GRM3: variants seen among roughly 807,000 people sequenced by gnomAD.
GRM3 encodes metabotropic glutamate receptor 3.
GRM3 carries 26 observed loss-of-function variants against 70.5 expected under a neutral mutation model. That is an observed-to-expected ratio of 0.37 (90% CI 0.27 to 0.51). The LOEUF is 0.51. Among genes scored for constraint, GRM3 ranks in the 20% least tolerant of loss-of-function variants. The probability of loss-of-function intolerance (pLI) is 0.93; values close to 1 mark genes in which losing one functional copy is unlikely to be tolerated. For missense variants in GRM3, 859 were observed against 1,123.8 expected (o/e 0.76, Z 3.37); for synonymous variants, 443 against 434.9 (o/e 1.02, Z -0.23).
At chr7:86,852,336 C>T (rs1399723116) in intron 5 of GRM3, among the ~76,000 whole-genome samples, 10 of 152,160 alleles carry the variant, frequency 6.6e-5, no homozygotes, top group Admixed American at 6.6e-4. Flanking sequence ...TATATCCAGA[C>T]CTCAGTAATT....
At chr7:86,649,246 G>T (rs926784977) in intron 1 of GRM3, among the ~76,000 whole-genome samples, 2 of 151,994 alleles carry the variant, frequency 1.3e-5, no homozygotes, top group African/African-American at 4.8e-5. Flanking sequence ...AGAAACAAAA[G>T]GAAAATCAAT....
intron 3 of GRM3, among the ~76,000 whole-genome samples, chr7:86,818,926 C>G (rs1012010482): frequency 6.6e-6 from 1 of 152,084 alleles, no homozygotes; most frequent in African/African-American, 2.4e-5. Context: ...TTTCTGGGTT[C>G]CAAATTTCAA....
chr7:86,796,019 T>C (rs2116599439), intron 3 of GRM3, among the ~76,000 whole-genome samples: 1 of 152,364 alleles, frequency 6.6e-6, no homozygotes, highest in African/African-American at 2.4e-5. Flanking sequence ...GTAGGTTGGT[T>C]GTTCAGTTGA....
At chr7:86,798,893 G>A (rs1356511856) in intron 3 of GRM3, among the ~76,000 whole-genome samples, 1 of 152,080 alleles carries the variant, frequency 6.6e-6, no homozygotes, top group Non-Finnish European at 1.5e-5. Flanking sequence ...CTGACACCAC[G>A]TTTATGTGAC....
At chr7:86,704,625 G>T (rs1402807120) in intron 1 of GRM3, among the ~76,000 whole-genome samples, 1 of 151,872 alleles carries the variant, frequency 6.6e-6, no homozygotes, top group African/African-American at 2.4e-5. Context: ...TTAATTTCAT[G>T]AATTTTACAC....
At chr7:86,703,544 C>T (rs1345181372) in intron 1 of GRM3, among the ~76,000 whole-genome samples, 1 of 151,904 alleles carries the variant, frequency 6.6e-6, no homozygotes, top group Non-Finnish European at 1.5e-5. Flanking sequence ...GGGCCTAAAT[C>T]CATATGGATG....
chr7:86,657,286 TGA>T (rs1378026600), intron 1 of GRM3, among the ~76,000 whole-genome samples: 1 of 152,134 alleles, frequency 6.6e-6, no homozygotes, highest in Non-Finnish European at 1.5e-5. Flanking sequence ...ATAGGAGAGA[TGA>T]GATATGTGCA....
chr7:86,729,663 G>T (rs999619705), intron 1 of GRM3, among the ~76,000 whole-genome samples: 3 of 152,108 alleles, frequency 2.0e-5, no homozygotes, highest in Non-Finnish European at 4.4e-5. Flanking sequence ...TTTCTAACAG[G>T]ATCTGAGTGA....
At chr7:86,857,047 T>C (rs1798863507) in intron 5 of GRM3, among the ~76,000 whole-genome samples, 1 of 152,148 alleles carries the variant, frequency 6.6e-6, no homozygotes. Flanking sequence ...CTGGCCTCCC[T>C]GAATTTGCCG....
chr7:86,699,800 A>G (rs1371187238), intron 1 of GRM3, among the ~76,000 whole-genome samples: 1 of 151,990 alleles, frequency 6.6e-6, no homozygotes, highest in Non-Finnish European at 1.5e-5. Flanking sequence ...GCGTCACCAG[A>G]TGAGGAGAAC....
intron 1 of GRM3, among the ~76,000 whole-genome samples, chr7:86,688,289 A>G (rs1219011864): frequency 6.6e-6 from 1 of 151,806 alleles, no homozygotes; most frequent in African/African-American, 2.4e-5. Context: ...ACATAGTTAA[A>G]AAGGATAAAG....
At chr7:86,692,668 A>T (rs1794722106) in intron 1 of GRM3, among the ~76,000 whole-genome samples, 1 of 152,104 alleles carries the variant, frequency 6.6e-6, no homozygotes, top group South Asian at 2.1e-4. Context: ...ATATTAAGGA[A>T]TTTTTGCCTG....
chr7:86,835,543 G>C (rs1798440666), intron 3 of GRM3, among the ~76,000 whole-genome samples: 1 of 152,146 alleles, frequency 6.6e-6, no homozygotes, highest in Admixed American at 6.6e-5. Context: ...CACAAAGTTA[G>C]AAGAATCTTT....
At chr7:86,860,543 A>T (rs1191705449) in intron 5 of GRM3, among the ~76,000 whole-genome samples, 1 of 152,210 alleles carries the variant, frequency 6.6e-6, no homozygotes, top group Non-Finnish European at 1.5e-5. Context: ...TTGCAAAAAC[A>T]GTCTTGTGGG....
At chr7:86,827,070 T>A (rs1798249291) in intron 3 of GRM3, among the ~76,000 whole-genome samples, 2 of 152,208 alleles carry the variant, frequency 1.3e-5, no homozygotes, top group African/African-American at 4.8e-5. Context: ...GGCTTAGGAA[T>A]AGCAAAGAGA....
intron 1 of GRM3, among the ~76,000 whole-genome samples, chr7:86,685,628 C>T (rs937843418): frequency 1.8e-4 from 28 of 152,072 alleles, no homozygotes; most frequent in African/African-American, 3.6e-4. Flanking sequence ...AAATGGGGGC[C>T]GGGCACGGTG....
At chr7:86,739,224 A>G (rs928726364) in intron 1 of GRM3, among the ~76,000 whole-genome samples, 1 of 152,088 alleles carries the variant, frequency 6.6e-6, no homozygotes, top group African/African-American at 2.4e-5. Flanking sequence ...TGATCTGCAC[A>G]CCTTGGTCTC....
chr7:86,821,173 G>GTTT (rs3838256), intron 3 of GRM3, among the ~76,000 whole-genome samples: 28 of 151,668 alleles, frequency 1.8e-4, no homozygotes, highest in South Asian at 6.2e-4. Flanking sequence ...TGAATAAAGG[G>GTTT]TTTTTTTTAA....
At chr7:86,746,341 T>TTTTTTATATATATATATATA (rs1388333232) in intron 1 of GRM3, among the ~76,000 whole-genome samples, 5 of 87,484 alleles carry the variant, frequency 5.7e-5, no homozygotes, top group East Asian at 3.4e-4. Context: ...CAGTCATGTA[T>TTTTTTATATATATATATATA]TATATATATA....
Sources: gnomAD v4.1 joint callset for allele counts (sites outside exome capture counted in the v4.1 genomes callset) on GRCh38, gnomAD v4.1.1 for gene constraint, MANE v1.5 for transcripts, NCBI Gene and HGNC (gene_info 2026-07-23, HGNC 2026-07-21) for gene names.